Variants in DLGAP2 observed in about 807,000 individuals in gnomAD.
DLGAP2 encodes the protein disks large-associated protein 2.
Under a neutral mutation model 100.3 loss-of-function variants are expected in DLGAP2, and 26 were observed. The ratio of observed to expected loss-of-function variants is 0.26; its 90% CI spans 0.19 to 0.36. DLGAP2 has a LOEUF of 0.36. Ranked by LOEUF, DLGAP2 falls within the 10% of genes least tolerant of loss-of-function variation. The pLI, the probability that DLGAP2 is intolerant of heterozygous loss-of-function variation, is 1.00. For synonymous variants in DLGAP2, 886 were observed against 630.1 expected (o/e 1.41, Z -6.08); for missense variants, 1,858 against 1,453.2 (o/e 1.28, Z -4.53).
At chr8:1,455,150 C>T (rs1452879279) in intron 3 of DLGAP2, among the ~76,000 whole-genome samples, 1 of 152,242 alleles carries the variant, frequency 6.6e-6, no homozygotes, top group Non-Finnish European at 1.5e-5. Context: ...AGCGGCTGGT[C>T]TGAGAGCCCG....
chr8:1,277,740 G>A (rs770470889), intron 3 of DLGAP2, among the ~76,000 whole-genome samples: 1 of 152,130 alleles, frequency 6.6e-6, no homozygotes, highest in Non-Finnish European at 1.5e-5. Context: ...GCATACCCAC[G>A]TCAGGGAGCA....
At chr8:1,227,153 G>GATATATATATATAT (rs759172816) in intron 2 of DLGAP2, among the ~76,000 whole-genome samples, 6,523 of 89,160 alleles carry the variant, frequency 0.073, 569 homozygotes, top group Non-Finnish European at 0.086. Context: ...GAAACTGTGA[G>GATATATATATATAT]ATATATATAT....
intron 3 of DLGAP2, among the ~76,000 whole-genome samples, chr8:1,322,439 C>T (rs1180718554): frequency 3.3e-5 from 5 of 152,198 alleles, no homozygotes; most frequent in African/African-American, 9.6e-5. Flanking sequence ...TGTGACTTCA[C>T]GCGTGTGGAT....
At chr8:1,531,054 A>G (rs1800973143) in intron 4 of DLGAP2, among the ~76,000 whole-genome samples, 1 of 152,194 alleles carries the variant, frequency 6.6e-6, no homozygotes, top group African/African-American at 2.4e-5. Flanking sequence ...TTTCTGTTTA[A>G]TAAATATTGA....
rs1392727254 is a variant in DLGAP2 at position 1,706,968 on chromosome 8, C to G, written c.*5562C>G. Reference sequence around the variant, plus strand: ...GTCCACAATTTTATGAATTGCTGTCCTAACCCTGGCGTTTTTATCCAGTGT... The same window carrying G: ...GTCCACAATTTTATGAATTGCTGTCGTAACCCTGGCGTTTTTATCCAGTGT... On this transcript the variant is annotated 3_prime_UTR_variant, in exon 15 of 15. Transcript: ENST00000637795. The G allele has an allele frequency of 6.6e-6, 1 of 152,616 alleles. No individual in the cohort carries two copies. The highest frequency in any genetic ancestry group is 1.5e-5 in the Non-Finnish European group (1 of 68,038). The allele number at this position is 152,616 out of a possible 1,614,324, so 9.5% of individuals were successfully genotyped here. A position where few individuals can be genotyped will look rare whatever the true frequency, so the allele number is the denominator to read the frequency against.
intron 3 of DLGAP2, among the ~76,000 whole-genome samples, chr8:1,344,558 A>G (rs1289147923): frequency 6.6e-6 from 1 of 152,186 alleles, no homozygotes; most frequent in African/African-American, 2.4e-5. Context: ...GATGTCACAG[A>G]GATTCTATGG....
intron 3 of DLGAP2, among the ~76,000 whole-genome samples, chr8:1,318,368 A>T (rs550542097): frequency 4.6e-5 from 7 of 151,722 alleles, no homozygotes; most frequent in South Asian, 4.2e-4. Flanking sequence ...AACCATCTTC[A>T]TATTGTATTT....
intron 2 of DLGAP2, among the ~76,000 whole-genome samples, chr8:931,488 C>T (rs1335014100): frequency 6.6e-6 from 1 of 152,160 alleles, no homozygotes; most frequent in East Asian, 1.9e-4. Flanking sequence ...GATTCCTGGC[C>T]CTTCTGTTAA....
chr8:1,521,210 G>GT (rs371989555), intron 4 of DLGAP2, among the ~76,000 whole-genome samples: 8 of 66,590 alleles, frequency 1.2e-4, no homozygotes, highest in Admixed American at 1.8e-4. Context: ...GAATACTCGG[G>GT]GGCAGGTGAT....
intron 3 of DLGAP2, among the ~76,000 whole-genome samples, chr8:1,486,041 A>T (rs1306736114): frequency 6.6e-6 from 1 of 152,134 alleles, no homozygotes; most frequent in African/African-American, 2.4e-5. Flanking sequence ...AATTATAATA[A>T]TTTTAAAAAG....
intron 2 of DLGAP2, among the ~76,000 whole-genome samples, chr8:1,050,129 G>A (rs1231623466): frequency 6.6e-6 from 1 of 152,238 alleles, no homozygotes. Flanking sequence ...GGCAGTCACA[G>A]CCACGTGTGC....
intron 1 of DLGAP2, chr8:739,941 G>C (rs1820440171): frequency 6.6e-6 from 1 of 152,228 alleles, no homozygotes; most frequent in Non-Finnish European, 1.5e-5. Flanking sequence ...CGGGTCACCT[G>C]AGGCATCTTC....
At chr8:931,514 C>T (rs978399033) in intron 2 of DLGAP2, among the ~76,000 whole-genome samples, 4 of 152,172 alleles carry the variant, frequency 2.6e-5, no homozygotes, top group East Asian at 1.9e-4. Context: ...CCAGGTATCT[C>T]GGCCGTTATT....
chr8:1,590,164 C>T (rs1024593668), intron 6 of DLGAP2, among the ~76,000 whole-genome samples: 1 of 152,164 alleles, frequency 6.6e-6, no homozygotes, highest in Non-Finnish European at 1.5e-5. Flanking sequence ...CACTGTCATC[C>T]TCGGAGCCCA....
chr8:1,190,366 G>C (rs1797605204), intron 2 of DLGAP2, among the ~76,000 whole-genome samples: 1 of 152,198 alleles, frequency 6.6e-6, no homozygotes, highest in South Asian at 2.1e-4. Flanking sequence ...TTAGTTGGCA[G>C]TTATGTGCTT....
At chr8:1,360,740 C>G (rs923972787) in intron 3 of DLGAP2, among the ~76,000 whole-genome samples, 2 of 152,180 alleles carry the variant, frequency 1.3e-5, no homozygotes, top group Non-Finnish European at 2.9e-5. Context: ...CGGTAGCTTC[C>G]AAACTCCTGT....
At chr8:911,518 T>G (rs1466420863) in intron 2 of DLGAP2, among the ~76,000 whole-genome samples, 1 of 150,494 alleles carries the variant, frequency 6.6e-6, no homozygotes, top group Non-Finnish European at 1.5e-5. Flanking sequence ...GTAATATATG[T>G]TGGAAAGACG....
In DLGAP2 at chr8:1,668,408, G is replaced by C. The variant is rs146676417; in HGVS notation, c.1890G>C (p.Thr630=). ...CCTCCAAGCCTCTGATCTCGGTGAC[G>C]GCGCAGAGCAGCACCGAATCCACCC... The part of the protein sequence containing the change: ...RTTSKPLISV[T]AQSSTESTQD... Residue 630 remains threonine, a synonymous_variant, in exon 9 of 15, where the codon ACG becomes ACC. Coordinates refer to ENST00000637795, the MANE Select transcript of DLGAP2 (RefSeq NM_001346810.2). The C allele has an allele frequency of 3.7e-6, 6 of 1,600,120 alleles. No homozygotes were observed. Among genetic ancestry groups the C allele is most frequent in the Non-Finnish European group, 5.1e-6 (6 of 1,174,050 alleles).
Position 820,109 on chromosome 8 carries a change from T to G in DLGAP2, c.18+82284T>G, listed in dbSNP as rs118139975. Among the ~76,000 whole-genome samples, 193 of 152,354 alleles carry G rather than the reference T, an allele frequency of 1.3e-3. 4 individuals carry two copies. In the East Asian group the frequency reaches 0.03, roughly 24 times the overall value. Reference sequence around the variant, plus strand: ...GTTTTATGTGGGTAACATTTTCAAGTTAGTCAGGAAAATATGGATTCTTCA... The same window carrying G: ...GTTTTATGTGGGTAACATTTTCAAGGTAGTCAGGAAAATATGGATTCTTCA... On this transcript the variant is annotated intron_variant, in intron 1 of 14. Transcript: ENST00000637795.
Sources: allele counts gnomAD v4.1 joint callset (sites outside exome capture counted in the v4.1 genomes callset), GRCh38; gene constraint gnomAD v4.1.1; transcripts MANE v1.5; gene names NCBI Gene and HGNC (gene_info 2026-07-23, HGNC 2026-07-21).